GNG7: variants seen among roughly 807,000 people sequenced by gnomAD.
GNG7 encodes guanine nucleotide-binding protein G(I)/G(S)/G(O) subunit gamma-7.
A neutral mutation model predicts 4.0 loss-of-function variants in GNG7; 1 was observed. The observed-to-expected ratio is 0.25, with a 90% confidence interval of 0.09 to 1.18. GNG7 has a LOEUF of 1.18. Among genes scored for constraint, GNG7 ranks in the 50% most tolerant of loss-of-function variants. GNG7 has a pLI of 0.50. For missense variants in GNG7, 86 were observed against 91.9 expected (o/e 0.94, Z 0.26); for synonymous variants, 34 against 36.9 (o/e 0.92, Z 0.29).
chr19:2,595,005 A>C (rs1441897243), intron 2 of GNG7: 1 of 151,966 alleles, frequency 6.6e-6, no homozygotes, highest in Non-Finnish European at 1.5e-5. Context: ...CTGTAGTCCC[A>C]GCTATTTGAA....
intron 2 of GNG7, among the ~76,000 whole-genome samples, chr19:2,632,351 C>T (rs986273754): frequency 2.0e-5 from 3 of 151,792 alleles, no homozygotes; most frequent in Non-Finnish European, 4.4e-5. Context: ...ATTGCTTGAA[C>T]CCGGGAGGTG....
At chr19:2,583,712 C>G (rs1980566120) in intron 2 of GNG7, among the ~76,000 whole-genome samples, 1 of 152,080 alleles carries the variant, frequency 6.6e-6, no homozygotes, top group South Asian at 2.1e-4. Flanking sequence ...TAGATGCCTC[C>G]CTTGAGCCCA....
intron 3 of GNG7, chr19:2,538,425 C>T (rs1326244423): frequency 2.7e-6 from 1 of 367,964 alleles, no homozygotes; most frequent in African/African-American, 2.2e-5. Context: ...GAGTTTGAGA[C>T]CAGCCTGGGC....
intron 4 of GNG7, among the ~76,000 whole-genome samples, chr19:2,515,619 G>C (rs1386908139): frequency 7.9e-5 from 12 of 151,916 alleles, no homozygotes; most frequent in South Asian, 2.1e-4. Flanking sequence ...GTAGAGACAG[G>C]GTTTCACCAT....
intron 1 of GNG7, among the ~76,000 whole-genome samples, chr19:2,693,847 G>A (rs931934892): frequency 5.3e-5 from 8 of 152,056 alleles, no homozygotes; most frequent in African/African-American, 1.9e-4. Context: ...AAGAATGAAC[G>A]CCCACATTCT....
At chr19:2,675,774 A>G (rs74548849) in intron 1 of GNG7, among the ~76,000 whole-genome samples, 11,607 of 152,180 alleles carry the variant, frequency 0.076, 507 homozygotes, top group Middle Eastern at 0.19. Flanking sequence ...GGCCAGGGAC[A>G]CTGCTCAGCA....
chr19:2,589,121 T>TTTC (rs902590066), intron 2 of GNG7, among the ~76,000 whole-genome samples: 5 of 151,122 alleles, frequency 3.3e-5, no homozygotes, highest in African/African-American at 1.2e-4. Flanking sequence ...AGAGATGGGG[T>TTTC]TTCTCCACCT....
rs183659762 is a variant in GNG7 at position 2,525,190 on chromosome 19, C to T, written c.-37-4465G>A. On this transcript the variant is annotated intron_variant, in intron 3 of 4. Coordinates refer to ENST00000382159, the MANE Select transcript of GNG7 (RefSeq NM_052847.3). ...ACCTGAATGAGCTTGCCTCGGGGCC[C>T]GTGGCCCGGGGAAGCTGTGGGAGGG... 7.0e-4 allele frequency among the ~76,000 whole-genome samples: 106 copies of T among 152,218 alleles called. 2 individuals are homozygous for T. In the East Asian group the frequency reaches 0.018, roughly 26 times the overall value.
At position 2,514,745 on chromosome 19, in the gene GNG7, C is replaced by T. The variant is rs535194164; in HGVS notation, c.*277G>A. 3.4e-5 allele frequency: 9 copies of T among 260,890 alleles called. No individual in the cohort carries two copies. The highest frequency in any genetic ancestry group is 1.2e-3 in the Middle Eastern group (1 of 834). 16.2% of individuals were successfully genotyped at this position (260,890 alleles called of 1,614,324 possible). ...TCAGTTATTCCGAACGGGAAGTGGCCGTAAAGCCTCCATCCCTTTTGGCCC... is the reference window on the plus strand; with the variant it reads ...TCAGTTATTCCGAACGGGAAGTGGCTGTAAAGCCTCCATCCCTTTTGGCCC... On this transcript the variant is annotated 3_prime_UTR_variant, in exon 5 of 5. Coordinates refer to ENST00000382159, the MANE Select transcript of GNG7 (RefSeq NM_052847.3).
chr19:2,701,667 A>G (rs1314528803), intron 1 of GNG7, among the ~76,000 whole-genome samples: 1 of 126,192 alleles, frequency 7.9e-6, no homozygotes, highest in East Asian at 2.3e-4. Context: ...TTCCCTCTGC[A>G]GCCCCCTCTC....
intron 1 of GNG7, among the ~76,000 whole-genome samples, chr19:2,659,021 G>C (rs1168276766): frequency 6.6e-6 from 1 of 151,240 alleles, no homozygotes; most frequent in African/African-American, 2.4e-5. Context: ...CCAGGCTGGA[G>C]GGCAGTGGCA....
intron 3 of GNG7, among the ~76,000 whole-genome samples, chr19:2,551,561 TTATC>T (rs201126066): frequency 0.12 from 10,368 of 89,134 alleles, 702 homozygotes; most frequent in East Asian, 0.36. Flanking sequence ...TAATATATAT[TTATC>T]TATTATCTAT....
At chr19:2,661,334 A>T (rs1277150984) in intron 1 of GNG7, among the ~76,000 whole-genome samples, 1 of 148,074 alleles carries the variant, frequency 6.8e-6, no homozygotes, top group Non-Finnish European at 1.5e-5. Context: ...GAAAGAAAGA[A>T]AGAAAGAAAG....
rs1361201685 is a variant in GNG7 at position 2,514,480 on chromosome 19, TAAAG to T, written c.*538_*541del. 6.5e-6 allele frequency: 1 copy of T among 153,508 alleles called. No homozygotes were observed. The highest frequency in any genetic ancestry group is 2.4e-5 in the African/African-American group (1 of 41,396). 9.5% of individuals were successfully genotyped at this position (153,508 alleles called of 1,614,324 possible). On this transcript the variant is annotated 3_prime_UTR_variant, in exon 5 of 5. Coordinates refer to ENST00000382159, the MANE Select transcript of GNG7 (RefSeq NM_052847.3). ...CCGTATGGAGTAACAATTTTTTAAA[TAAAG>T]AGATATTTCCAAAAAACTTCATGAT...
intron 1 of GNG7, among the ~76,000 whole-genome samples, chr19:2,657,355 AAAAAAAATATATATATATATATATAT>A (rs1259312923): frequency 5.2e-4 from 10 of 19,174 alleles, no homozygotes; most frequent in African/African-American, 8.5e-4. Context: ...AAAAAAAAAA[AAAAAAAATATATATATATATATATAT>A]ATATATATAT....
intron 1 of GNG7, among the ~76,000 whole-genome samples, chr19:2,676,269 A>G (rs28600901): frequency 0.073 from 11,153 of 152,214 alleles, 477 homozygotes; most frequent in Middle Eastern, 0.18. Context: ...TGCAGGTTGA[A>G]GTCATTTTCC....
chr19:2,537,626 C>G (rs542021229), intron 3 of GNG7, among the ~76,000 whole-genome samples: 1 of 151,368 alleles, frequency 6.6e-6, no homozygotes, highest in Non-Finnish European at 1.5e-5. Context: ...TCAAAGTGTA[C>G]GGTTCTGATG....
chr19:2,516,382 G>A (rs1021826870), intron 4 of GNG7, among the ~76,000 whole-genome samples: 7 of 151,800 alleles, frequency 4.6e-5, no homozygotes, highest in African/African-American at 9.7e-5. Flanking sequence ...CTGCCACCAC[G>A]CCCAGCTAAT....
intron 2 of GNG7, among the ~76,000 whole-genome samples, chr19:2,578,711 A>G (rs1599402449): frequency 6.6e-6 from 1 of 152,232 alleles, no homozygotes; most frequent in African/African-American, 2.4e-5. Context: ...TGGGCACTGC[A>G]GGGTGCTGAG....
Sources: gnomAD v4.1 joint callset for allele counts (sites outside exome capture counted in the v4.1 genomes callset) on GRCh38, gnomAD v4.1.1 for gene constraint, MANE v1.5 for transcripts, NCBI Gene and HGNC (gene_info 2026-07-23, HGNC 2026-07-21) for gene names.